The following DST variants were observed in gnomAD, a reference collection of about 807,000 sequenced individuals.
DST encodes dystonin.
DST carries 253 observed loss-of-function variants against 875.2 expected under a neutral mutation model. The observed-to-expected ratio is 0.29, with a 90% confidence interval of 0.26 to 0.32. The LOEUF is 0.32. Among genes scored for constraint, DST ranks in the 10% least tolerant of loss-of-function variants. The pLI is 1.00. For synonymous variants in DST, 3,124 were observed against 3,197.1 expected (o/e 0.98, Z 0.77); for missense variants, 8,287 against 9,111.6 (o/e 0.91, Z 3.68).
intron 69 of DST, among the ~76,000 whole-genome samples, chr6:56,521,812 T>C (rs2096713509): frequency 6.6e-6 from 1 of 151,960 alleles, no homozygotes; most frequent in African/African-American, 2.4e-5. Context: ...ATAAACATGG[T>C]CCATAAACAT....
At chr6:56,615,679 T>C in intron 36 of DST, 1 of 1,614,192 alleles carries the variant, frequency 6.2e-7, no homozygotes, top group South Asian at 1.1e-5. Context: ...CATATGACTT[T>C]TGATCTTTGA....
intron 10 of DST, among the ~76,000 whole-genome samples, chr6:56,661,521 T>C (rs902367258): frequency 6.6e-6 from 1 of 151,862 alleles, no homozygotes; most frequent in African/African-American, 2.4e-5. Context: ...GTTGATTACA[T>C]ACTTCCTAAA....
intron 69 of DST, among the ~76,000 whole-genome samples, chr6:56,518,215 T>G (rs2096632558): frequency 6.6e-6 from 1 of 152,188 alleles, no homozygotes; most frequent in Non-Finnish European, 1.5e-5. Flanking sequence ...CTTAAATATT[T>G]TAATAAATGT....
intron 2 of DST, among the ~76,000 whole-genome samples, chr6:56,906,835 A>G (rs1796642870): frequency 6.6e-6 from 1 of 152,074 alleles, no homozygotes; most frequent in African/African-American, 2.4e-5. Context: ...TACCCCAGAT[A>G]ATGTAGCCGC....
intron 49 of DST, among the ~76,000 whole-genome samples, chr6:56,582,200 T>A (rs1047220759): frequency 6.7e-6 from 1 of 149,318 alleles, no homozygotes; most frequent in African/African-American, 2.6e-5. Context: ...ATATCACCCC[T>A]GATATAGTTT....
At chr6:56,578,467 T>C (rs566731457) in intron 50 of DST, among the ~76,000 whole-genome samples, 24 of 152,278 alleles carry the variant, frequency 1.6e-4, no homozygotes, top group Admixed American at 7.9e-4. Context: ...GATTCTACTT[T>C]GGCCTTAAGT....
At chr6:56,801,670 T>A (rs2099747115) in intron 4 of DST, among the ~76,000 whole-genome samples, 1 of 151,526 alleles carries the variant, frequency 6.6e-6, no homozygotes, top group Non-Finnish European at 1.5e-5. Context: ...AGGAAAAAAA[T>A]CACAATGTAA....
intron 36 of DST, chr6:56,620,545 C>T: frequency 6.2e-7 from 1 of 1,614,008 alleles, no homozygotes. Flanking sequence ...CCTCCCTGAC[C>T]TTCGGAAGTT....
intron 4 of DST, among the ~76,000 whole-genome samples, chr6:56,789,841 C>T (rs964328485): frequency 2.6e-5 from 4 of 152,152 alleles, no homozygotes; most frequent in African/African-American, 9.7e-5. Context: ...TTTGTTTATC[C>T]ATTTACCCAT....
intron 69 of DST, among the ~76,000 whole-genome samples, chr6:56,520,200 CA>C (rs1371457829): frequency 6.6e-6 from 1 of 151,894 alleles, no homozygotes; most frequent in East Asian, 1.9e-4. Flanking sequence ...GGAAATTACC[CA>C]AACTGAATAA....
At chr6:56,945,245 G>C (rs1340830458) in intron 2 of DST, among the ~76,000 whole-genome samples, 1 of 152,154 alleles carries the variant, frequency 6.6e-6, no homozygotes, top group African/African-American at 2.4e-5. Context: ...GGATGAGTTG[G>C]GGAAGGGGAT....
chr6:56,720,821 A>C (rs1393788222), intron 5 of DST, among the ~76,000 whole-genome samples: 1 of 152,042 alleles, frequency 6.6e-6, no homozygotes, highest in African/African-American at 2.4e-5. Context: ...TTTCTATTGG[A>C]CAAAACCGCC....
chr6:56,654,786 C>T (rs1191658790), intron 10 of DST, among the ~76,000 whole-genome samples: 1 of 151,876 alleles, frequency 6.6e-6, no homozygotes, highest in African/African-American at 2.4e-5. Context: ...TTCAGTACTC[C>T]AAAACTTTAT....
chr6:56,581,791 T>C (rs1289246350), intron 49 of DST, among the ~76,000 whole-genome samples: 2 of 152,226 alleles, frequency 1.3e-5, no homozygotes, highest in African/African-American at 4.8e-5. Flanking sequence ...CAACTGCCTC[T>C]TGAGTATTTC....
intron 3 of DST, among the ~76,000 whole-genome samples, chr6:56,886,792 A>AG (rs1784881609): frequency 1.3e-5 from 2 of 151,930 alleles, no homozygotes; most frequent in Non-Finnish European, 2.9e-5. Context: ...AAAAAAAAAA[A>AG]AAAAAATTCC....
chr6:56,614,049 T>C (rs2098584686), intron 37 of DST, among the ~76,000 whole-genome samples: 1 of 152,232 alleles, frequency 6.6e-6, no homozygotes, highest in African/African-American at 2.4e-5. Context: ...GACTCTGCTC[T>C]TCAGCTATTC....
At chr6:56,694,316 C>A (rs1222213082) in intron 9 of DST, among the ~76,000 whole-genome samples, 2 of 151,640 alleles carry the variant, frequency 1.3e-5, no homozygotes, top group East Asian at 3.9e-4. Context: ...ACTAGGTAGT[C>A]TTTAGACTGA....
intron 103 of DST, 65 bp downstream of exon 103, chr6:56,460,066 G>A: frequency 6.6e-7 from 1 of 1,523,184 alleles, no homozygotes; most frequent in Non-Finnish European, 8.9e-7. Flanking sequence ...AGGAGGAAAA[G>A]GGACTTTAAT....
In DST at chr6:56,472,160, T is replaced by C. The variant is rs371310558; in HGVS notation, c.22057A>G (p.Asn7353Asp). The C allele has an allele frequency of 1.5e-5, 24 of 1,613,796 alleles. No individual in the cohort carries two copies. The highest frequency in any genetic ancestry group is 1.8e-5 in the Non-Finnish European group (21 of 1,179,848). ...CTCACCAGTAAGTTTACCCTAGGAT[T>C]TTTGGTTTCAATTTGTGTCTGTGAC... is the stretch of plus-strand genomic sequence containing the variant. The part of the protein sequence containing the change: ...SGSQTQIETK[N>D]PRVNLLVSKW... The change falls in exon 94 of 104, where the codon AAT becomes GAT. Residue 7353 changes from asparagine (N) to aspartate (D), a missense_variant. By Grantham distance (23) the Asn-to-Asp change is conservative (BLOSUM62 1). Transcript: ENST00000680361.
Sources: allele counts gnomAD v4.1 joint callset (sites outside exome capture counted in the v4.1 genomes callset), GRCh38; gene constraint gnomAD v4.1.1; transcripts MANE v1.5; gene names NCBI Gene and HGNC (gene_info 2026-07-23, HGNC 2026-07-21).